Variants in PPARGC1A observed in about 807,000 individuals in gnomAD.
PPARGC1A encodes peroxisome proliferator-activated receptor gamma coactivator 1-alpha.
Under a neutral mutation model 88.7 loss-of-function variants are expected in PPARGC1A, and 25 were observed. That is an observed-to-expected ratio of 0.28 (90% CI 0.21 to 0.39). The LOEUF (loss-of-function observed/expected upper bound fraction) is 0.39. Ranked by LOEUF, PPARGC1A falls within the 10% of genes least tolerant of loss-of-function variation. The probability of loss-of-function intolerance (pLI) is 1.00; values close to 1 mark genes in which losing one functional copy is unlikely to be tolerated. For missense variants in PPARGC1A, 880 were observed against 968.7 expected, an observed-to-expected ratio of 0.91 and a Z score of 1.22; for synonymous variants, 363 against 355.6, an observed-to-expected ratio of 1.02 and a Z score of -0.24.
At chr4:24,377,445 C>T in the PPARGC1A span, among the ~76,000 whole-genome samples, 1 of 151,794 alleles carries the variant, frequency 6.6e-6, no homozygotes, top group South Asian at 2.1e-4. Context: ...ATGCATCAAC[C>T]CCAGCAGAAA....
the PPARGC1A span, among the ~76,000 whole-genome samples, chr4:24,077,631 G>A: frequency 8.2e-6 from 1 of 122,620 alleles, no homozygotes; most frequent in African/African-American, 3.6e-5. Flanking sequence ...AGGGGTGTGT[G>A]TGTGTGTGTG....
the PPARGC1A span, among the ~76,000 whole-genome samples, chr4:24,013,859 C>T: frequency 6.6e-6 from 1 of 152,174 alleles, no homozygotes; most frequent in Non-Finnish European, 1.5e-5. Context: ...CAAATAAGTT[C>T]TTGGGGAAGG....
chr4:24,216,913 T>C, the PPARGC1A span, among the ~76,000 whole-genome samples: 20 of 152,124 alleles, frequency 1.3e-4, no homozygotes, highest in African/African-American at 4.8e-4. Flanking sequence ...CATCCTAAAA[T>C]GGAACTAAGT....
chr4:24,187,294 G>T, the PPARGC1A span, among the ~76,000 whole-genome samples: 1 of 152,216 alleles, frequency 6.6e-6, no homozygotes. Context: ...ATAGCCATCA[G>T]ATGAGGGGAG....
At chr4:23,895,964 GTGTGTGTGTGTGTGTGTATA>G (rs1374950096) in intron 1 of PPARGC1A, among the ~76,000 whole-genome samples, 12 of 53,426 alleles carry the variant, frequency 2.2e-4, no homozygotes, top group African/African-American at 7.0e-4. Flanking sequence ...GTGTGTGTGT[GTGTGTGTGTGTGTGTGTATA>G]TATATATACA....
At chr4:24,033,820 A>G in the PPARGC1A span, among the ~76,000 whole-genome samples, 1 of 152,186 alleles carries the variant, frequency 6.6e-6, no homozygotes, top group Non-Finnish European at 1.5e-5. Flanking sequence ...AAATGGCTGG[A>G]AGAGAGGCGG....
chr4:24,399,222 T>C, the PPARGC1A span, among the ~76,000 whole-genome samples: 1 of 152,236 alleles, frequency 6.6e-6, no homozygotes, highest in Admixed American at 6.5e-5. Flanking sequence ...TCACTTTTTT[T>C]GCAGATGTCA....
At chr4:24,470,195 G>A in the PPARGC1A span, among the ~76,000 whole-genome samples, 1 of 151,612 alleles carries the variant, frequency 6.6e-6, no homozygotes, top group East Asian at 2.0e-4. The surrounding 1 kb of genome is among the most constrained non-coding windows in gnomAD (Gnocchi z 5.8). Context: ...GGCTTGTACC[G>A]GGTGCGTGGT....
At chr4:24,414,251 T>G in the PPARGC1A span, among the ~76,000 whole-genome samples, 15 of 152,320 alleles carry the variant, frequency 9.8e-5, no homozygotes, top group Middle Eastern at 3.4e-3. Context: ...ATTTATCTCA[T>G]TTAATTTTGC....
the PPARGC1A span, among the ~76,000 whole-genome samples, chr4:24,095,968 G>A: frequency 1.3e-5 from 2 of 152,116 alleles, no homozygotes; most frequent in South Asian, 2.1e-4. Flanking sequence ...ATTTTGGAAA[G>A]GATCTATTCA....
intron 1 of PPARGC1A, chr4:23,889,166 TC>T: frequency 1.0e-6 from 1 of 985,310 alleles, no homozygotes; most frequent in Non-Finnish European, 1.2e-6. Flanking sequence ...AGCGAGCAGC[TC>T]CACACACAGT....
At chr4:24,366,279 C>G in the PPARGC1A span, among the ~76,000 whole-genome samples, 1 of 152,154 alleles carries the variant, frequency 6.6e-6, no homozygotes. Context: ...ATGTAGCTTG[C>G]TCCTTAAATC....
At chr4:24,386,357 C>T in the PPARGC1A span, among the ~76,000 whole-genome samples, 2 of 152,186 alleles carry the variant, frequency 1.3e-5, no homozygotes, top group Non-Finnish European at 2.9e-5. Context: ...TCTCTCACCA[C>T]TCTTATTCAA....
chr4:24,288,686 T>G, the PPARGC1A span, among the ~76,000 whole-genome samples: 74 of 152,208 alleles, frequency 4.9e-4, no homozygotes, highest in African/African-American at 1.5e-3. Flanking sequence ...CCTTTTAATA[T>G]CACCAGCATT....
chr4:24,340,565 CT>C, the PPARGC1A span, among the ~76,000 whole-genome samples: 5 of 151,362 alleles, frequency 3.3e-5, no homozygotes, highest in Non-Finnish European at 5.9e-5. Context: ...GGCTACAAAA[CT>C]TTTTTTTTAA....
rs1253603046 is a variant in PPARGC1A, at chr4:23,833,372, C to G, written c.235-1621G>C. ...CCATTTTCTTTTCCTTCTTTTAGCA[C>G]TTCACATTGTTTGTTCAATCTGACC... On this transcript the variant is annotated intron_variant, in intron 2 of 12. Transcript: ENST00000264867. Among the ~76,000 whole-genome samples, 5 of 152,340 alleles carry G rather than the reference C, an allele frequency of 3.3e-5. No individual in the cohort carries two copies. In the South Asian group the frequency reaches 8.3e-4, roughly 25 times the overall value.
the PPARGC1A span, among the ~76,000 whole-genome samples, chr4:23,944,132 A>T: frequency 3.3e-5 from 5 of 152,228 alleles, no homozygotes; most frequent in East Asian, 9.6e-4. Context: ...TTGGTTCATT[A>T]GTTGTGACAA....
At chr4:24,004,343 G>GA in the PPARGC1A span, among the ~76,000 whole-genome samples, 2 of 152,258 alleles carry the variant, frequency 1.3e-5, no homozygotes, top group Non-Finnish European at 2.9e-5. Flanking sequence ...CTGAGAAACA[G>GA]AAAAAACACA....
the PPARGC1A span, among the ~76,000 whole-genome samples, chr4:24,281,230 G>C: frequency 6.6e-6 from 1 of 152,188 alleles, no homozygotes; most frequent in South Asian, 2.1e-4. Flanking sequence ...AGTCTGTTTT[G>C]TGTTGCTATG....
Sources: gnomAD v4.1 joint callset for allele counts (sites outside exome capture counted in the v4.1 genomes callset) on GRCh38, gnomAD v4.1.1 for gene constraint, Gnocchi (gnomAD v3.1) non-coding constraint, MANE v1.5 for transcripts, NCBI Gene and HGNC (gene_info 2026-07-23, HGNC 2026-07-21) for gene names.